Variants in NRG3 observed in about 807,000 individuals in gnomAD.
NRG3 encodes the protein pro-neuregulin-3, membrane-bound isoform.
Under a neutral mutation model 66.9 loss-of-function variants are expected in NRG3, and 31 were observed. That is an observed-to-expected ratio of 0.46 (90% CI 0.35 to 0.63). The LOEUF (loss-of-function observed/expected upper bound fraction) is 0.63. Among genes scored for constraint, NRG3 ranks in the 20% least tolerant of loss-of-function variants. The pLI is 0.00. For synonymous variants in NRG3, 393 were observed against 359.4 expected (o/e 1.09, Z -1.06); for missense variants, 910 against 878.9 (o/e 1.04, Z -0.45).
rs113186110 is a variant in NRG3 at position 82,126,513 on chromosome 10, G to A, written c.824-232226G>A. Among the ~76,000 whole-genome samples, 478 of 152,102 alleles carry A rather than the reference G, an allele frequency of 3.1e-3. 10 individuals carry two copies. Among genetic ancestry groups the A allele is most frequent in the Middle Eastern group, 0.01 (3 of 292 alleles). ...TCAGCCACAAGTTGGTGATGACAAG[G>A]CACAGATAGTATGCAGAGATTTAAT... On this transcript the variant is annotated intron_variant, in intron 1 of 8. Transcript: ENST00000372141.
chr10:82,488,816 A>AT (rs1322073928), intron 2 of NRG3, among the ~76,000 whole-genome samples: 3 of 152,172 alleles, frequency 2.0e-5, no homozygotes, highest in Middle Eastern at 3.4e-3. Flanking sequence ...TTATTTTCTT[A>AT]TTTTTTCATG....
chr10:82,878,173 G>A (rs986975824), intron 4 of NRG3, among the ~76,000 whole-genome samples: 2 of 152,200 alleles, frequency 1.3e-5, no homozygotes, highest in African/African-American at 4.8e-5. Context: ...AGGGAAATAA[G>A]AGATGGAAGA....
At chr10:82,869,770 G>C (rs2135977921) in intron 4 of NRG3, among the ~76,000 whole-genome samples, 1 of 151,828 alleles carries the variant, frequency 6.6e-6, no homozygotes, top group Admixed American at 6.6e-5. Context: ...ACCATGCCCG[G>C]CTAATTTTTC....
At chr10:82,559,733 C>T (rs2044903918) in intron 2 of NRG3, among the ~76,000 whole-genome samples, 1 of 152,166 alleles carries the variant, frequency 6.6e-6, no homozygotes, top group Non-Finnish European at 1.5e-5. Flanking sequence ...ATTTTATGTA[C>T]ACTAAATATT....
At chr10:82,202,992 T>G (rs72825480) in intron 1 of NRG3, among the ~76,000 whole-genome samples, 1 of 152,276 alleles carries the variant, frequency 6.6e-6, no homozygotes, top group Non-Finnish European at 1.5e-5. Context: ...TGTGTTAGAT[T>G]AACTGGAGGC....
rs746699197 is a variant in NRG3, at chr10:82,003,988, AACACACACACACACACAC to A, written c.823+127855_823+127872del. Among the ~76,000 whole-genome samples the A allele has an allele frequency of 4.5e-4, 60 of 134,420 alleles. 1 individual carries two copies. Among genetic ancestry groups the A allele is most frequent in the Admixed American group, 2.3e-3 (30 of 13,264 alleles). 88.2% of individuals were successfully genotyped at this position (134,420 alleles called of 152,430 possible). On this transcript the variant is annotated intron_variant, in intron 1 of 8. Coordinates refer to ENST00000372141, the MANE Select transcript of NRG3 (RefSeq NM_001010848.4). ...GGTGCTGTAAGGATACCTGACTGAA[AACACACACACACACACAC>A]ACACACACACACACACACACACACA...
chr10:82,362,558 T>TTTTTTTTTTTTTG (rs2084249216), intron 2 of NRG3, among the ~76,000 whole-genome samples: 5 of 144,674 alleles, frequency 3.5e-5, no homozygotes, highest in African/African-American at 1.3e-4. Flanking sequence ...GTTTTTTTTT[T>TTTTTTTTTTTTTG]TTTTTTTTTT....
intron 3 of NRG3, among the ~76,000 whole-genome samples, chr10:82,831,803 T>A (rs28469553): frequency 6.6e-6 from 1 of 151,830 alleles, no homozygotes; most frequent in African/African-American, 2.4e-5. Flanking sequence ...GACAAAAAAA[T>A]AAAAAATAAA....
At chr10:82,167,671 G>C (rs2072199422) in intron 1 of NRG3, among the ~76,000 whole-genome samples, 1 of 151,974 alleles carries the variant, frequency 6.6e-6, no homozygotes, top group African/African-American at 2.4e-5. Context: ...TTCAGAATAA[G>C]TTCTTTTGGG....
intron 2 of NRG3, among the ~76,000 whole-genome samples, chr10:82,693,796 T>C (rs2055139291): frequency 6.6e-6 from 1 of 152,130 alleles, no homozygotes; most frequent in African/African-American, 2.4e-5. Context: ...GTGTTACAGC[T>C]TTAAAGGTGG....
At chr10:82,652,751 G>C (rs1369315372) in intron 2 of NRG3, among the ~76,000 whole-genome samples, 1 of 152,170 alleles carries the variant, frequency 6.6e-6, no homozygotes, top group Middle Eastern at 3.2e-3. Flanking sequence ...ACCCACCCCT[G>C]TCTGCCTAGA....
chr10:82,508,491 G>A (rs920609912), intron 2 of NRG3, among the ~76,000 whole-genome samples: 1 of 152,236 alleles, frequency 6.6e-6, no homozygotes, highest in South Asian at 2.1e-4. Flanking sequence ...CAAAAATCCA[G>A]AGACAATCAA....
At chr10:82,437,112 A>G (rs570044280) in intron 2 of NRG3, among the ~76,000 whole-genome samples, 57 of 152,222 alleles carry the variant, frequency 3.7e-4, no homozygotes, top group Non-Finnish European at 7.8e-4. Flanking sequence ...GTTCTCTTGA[A>G]TAATATCCCA....
At chr10:82,707,029 A>ATT (rs1192646213) in intron 2 of NRG3, among the ~76,000 whole-genome samples, 83 of 147,454 alleles carry the variant, frequency 5.6e-4, no homozygotes, top group African/African-American at 2.0e-3. Context: ...ATATATATAT[A>ATT]TATATATATG....
At chr10:82,049,414 G>C (rs34248915) in intron 1 of NRG3, among the ~76,000 whole-genome samples, 38,082 of 151,868 alleles carry the variant, frequency 0.25, 4,901 homozygotes, top group Middle Eastern at 0.33. Flanking sequence ...TCCAATGGGT[G>C]TTATTTTTTC....
At chr10:82,084,099 G>A (rs2065570649) in intron 1 of NRG3, among the ~76,000 whole-genome samples, 1 of 151,860 alleles carries the variant, frequency 6.6e-6, no homozygotes, top group African/African-American at 2.4e-5. Flanking sequence ...GTGGTGGCGT[G>A]TGCCTGTAGT....
chr10:82,514,080 G>A (rs1284872710), intron 2 of NRG3, among the ~76,000 whole-genome samples: 1 of 152,078 alleles, frequency 6.6e-6, no homozygotes, highest in Non-Finnish European at 1.5e-5. Context: ...GTAGATTCTG[G>A]ATATTAGACC....
At chr10:81,998,145 T>G (rs959126147) in intron 1 of NRG3, among the ~76,000 whole-genome samples, 2 of 152,188 alleles carry the variant, frequency 1.3e-5, no homozygotes, top group African/African-American at 2.4e-5. Context: ...ATATTTTCAG[T>G]GTGATAAAGG....
At chr10:82,820,316 G>T (rs2061895259) in intron 3 of NRG3, among the ~76,000 whole-genome samples, 1 of 152,176 alleles carries the variant, frequency 6.6e-6, no homozygotes. Flanking sequence ...ACATCACAGT[G>T]TCTGGCATAT....
Sources: gnomAD v4.1 joint callset for allele counts (sites outside exome capture counted in the v4.1 genomes callset) on GRCh38, gnomAD v4.1.1 for gene constraint, MANE v1.5 for transcripts, NCBI Gene and HGNC (gene_info 2026-07-23, HGNC 2026-07-21) for gene names.